GPR108: variants seen among roughly 807,000 people sequenced by gnomAD.
The protein encoded by GPR108 is protein GPR108.
A neutral mutation model predicts 74.3 loss-of-function variants in GPR108; 60 were observed. The observed-to-expected ratio is 0.81, with a 90% CI of 0.66 to 1.00. The LOEUF (loss-of-function observed/expected upper bound fraction) is 1.00. Among genes scored for constraint, GPR108 ranks in the 50% least tolerant of loss-of-function variants. The pLI is 0.00. For missense variants in GPR108, 667 were observed against 703.3 expected (o/e 0.95, Z 0.58); for synonymous variants, 311 against 292.4 (o/e 1.06, Z -0.65).
In GPR108 at chr19:6,733,220, C is replaced by T. The variant is rs558037063; in HGVS notation, c.805G>A (p.Ala269Thr). 8.1e-6 allele frequency: 13 copies of T among 1,614,006 alleles called. No homozygotes were observed. In the South Asian group the frequency reaches 1.1e-4, roughly 14 times the overall value. The change falls in exon 9 of 18, where the codon GCC becomes ACC. Residue 269 changes from alanine to threonine, a missense_variant. By Grantham distance (58) the Ala-to-Thr change is moderately conservative (BLOSUM62 0). Transcript: ENST00000264080. Reference protein sequence around the residue: ...PLFKLYMVMSACFLAAGIFWV... With the variant: ...PLFKLYMVMSTCFLAAGIFWV... ...AAGATGCCAGCGGCCAGGAAGCAGG[C>T]GGACATGACCATGTAGAGCTTGAAA...
chr19:6,737,128 C>T (rs1427267562), intron 1 of GPR108: 9 of 391,238 alleles, frequency 2.3e-5, no homozygotes, highest in African/African-American at 4.2e-5. Flanking sequence ...CCCCGCTGTG[C>T]GGCTCCAGGG....
intron 10 of GPR108, 75 bp downstream of exon 10, chr19:6,732,912 C>G: frequency 7.4e-7 from 1 of 1,350,210 alleles, no homozygotes; most frequent in Non-Finnish European, 1.0e-6. Context: ...GGCCCAGGGT[C>G]TGCAGAGATT....
At chr19:6,732,751 T>C (rs59319549) in intron 10 of GPR108, 9 of 657,748 alleles carry the variant, frequency 1.4e-5, no homozygotes, top group East Asian at 2.7e-5. Flanking sequence ...GGGTGAATAG[T>C]TGGACAATCA....
intron 8 of GPR108, 55 bp downstream of exon 8, chr19:6,733,515 C>A (rs1968507310): frequency 1.2e-5 from 18 of 1,544,584 alleles, no homozygotes; most frequent in Non-Finnish European, 1.4e-5. Context: ...CACTCTGGGC[C>A]CGCAGTGGCC....
At chr19:6,733,426 G>A in intron 8 of GPR108, 125 bp from the exon 9 acceptor site, 3 of 1,285,076 alleles carry the variant, frequency 2.3e-6, no homozygotes, top group East Asian at 4.9e-5. Flanking sequence ...CTGAGCCTCA[G>A]TTGGCCCCGT....
chr19:6,732,649 G>A (rs1968465902), intron 10 of GPR108, 100 bp from the exon 11 acceptor site: 2 of 925,384 alleles, frequency 2.2e-6, no homozygotes, highest in South Asian at 2.7e-5. Flanking sequence ...CCATCAGATG[G>A]GTGGTCAGAA....
At chr19:6,730,658 T>C (rs1228963415) in intron 17 of GPR108, 7 of 391,544 alleles carry the variant, frequency 1.8e-5, no homozygotes, top group Non-Finnish European at 2.8e-5. Context: ...CTTACTGCCA[T>C]AGCAGCCCAG....
rs758223984 is a variant in GPR108, at chr19:6,735,714, G to A, written c.292-10C>T. On this transcript the variant is annotated splice_polypyrimidine_tract_variant and intron_variant, in intron 3 of 17. Transcript: ENST00000264080. The stretch of plus-strand genomic sequence containing the variant: ...CCTGGAAATCCCGGGTCTGGGGGGT[G>A]GGCAGGAGGGAGTGAGTCTTGGTTA... The A allele has an allele frequency of 1.2e-6, 2 of 1,613,270 alleles. No homozygotes were observed. The highest frequency in any genetic ancestry group is 2.2e-5 in the South Asian group (2 of 91,068).
intron 4 of GPR108, among the ~76,000 whole-genome samples, chr19:6,734,841 A>G (rs1968563561): frequency 6.7e-6 from 1 of 148,696 alleles, no homozygotes; most frequent in Admixed American, 6.8e-5. Context: ...CACCATGGCC[A>G]GCCCTACATT....
rs772863962 is a variant in GPR108, at chr19:6,732,444, C to T, written c.1007+32G>A. 2.0e-5 allele frequency: 33 copies of T among 1,612,786 alleles called. No homozygotes were observed. In the East Asian group the frequency reaches 7.4e-4, roughly 36 times the overall value. ...GCCAACCCTCCCCTGCCTGCCTCCC[C>T]CCAGCTGCCCAGCAGAGTGGGGGAC... is the stretch of plus-strand genomic sequence containing the variant. On this transcript the variant is annotated intron_variant, in intron 11 of 17. Transcript: ENST00000264080.
intron 4 of GPR108, among the ~76,000 whole-genome samples, chr19:6,734,942 G>A (rs529972390): frequency 6.6e-6 from 1 of 151,626 alleles, no homozygotes; most frequent in South Asian, 2.1e-4. Context: ...GTGCAGCAGT[G>A]CAAACTTGGT....
At chr19:6,732,870 C>G in intron 10 of GPR108, 117 bp downstream of exon 10, 1 of 872,022 alleles carries the variant, frequency 1.1e-6, no homozygotes, top group East Asian at 2.6e-5. Flanking sequence ...AATGGGTGGA[C>G]ACGTGGATAG....
chr19:6,737,415 A>G, intron 1 of GPR108, 42 bp downstream of exon 1: 1 of 1,570,348 alleles, frequency 6.4e-7, no homozygotes, highest in Admixed American at 1.8e-5. Flanking sequence ...TCCGAGACAA[A>G]GTTGCGCCAC....
chr19:6,735,925 T>C lies in GPR108; in HGVS notation c.274A>G (p.Arg92Gly). 6.2e-7 allele frequency: 1 copy of C among 1,611,746 alleles called. No homozygotes were observed. The highest frequency in any genetic ancestry group is 1.1e-5 in the South Asian group (1 of 90,644). The change falls in exon 3 of 18, where the codon AGA becomes GGA. Residue 92 changes from arginine to glycine, a missense_variant. Coordinates refer to ENST00000264080, the MANE Select transcript of GPR108 (RefSeq NM_001080452.2). Reference protein sequence around the residue: ...GFSLSRVRSGRVRSYSTRDFQ... With the variant: ...GFSLSRVRSGGVRSYSTRDFQ... ...CCACTCACTGAATAGGAGCGAACTC[T>C]GCCAGACCGAACCCGGCTGAGACTG...
intron 3 of GPR108, 91 bp downstream of exon 3, chr19:6,735,817 G>A (rs1489173309): frequency 3.3e-6 from 5 of 1,526,516 alleles, no homozygotes; most frequent in African/African-American, 1.4e-5. Flanking sequence ...CTCTGACAAA[G>A]AACAGGGGCC....
At chr19:6,731,784 C>T in intron 14 of GPR108, 107 bp downstream of exon 14, 1 of 1,315,862 alleles carries the variant, frequency 7.6e-7, no homozygotes, top group South Asian at 1.3e-5. Context: ...GAGGCAGAGG[C>T]CTGGGGGCTG....
rs1445104754 is a variant in GPR108 at position 6,733,188 on chromosome 19, C to T, written c.837G>A (p.Val279=). The change falls in exon 9 of 18, where the codon GTG becomes GTA. Residue 279 remains valine (V), a synonymous_variant. Coordinates refer to ENST00000264080, the MANE Select transcript of GPR108 (RefSeq NM_001080452.2). ...ATTACGTGTTCCTGCAGAGGATGGA[C>T]ACCCAGAAGATGCCAGCGGCCAGGA... ...ACFLAAGIFW[V]SILCRNTYSV... 1 of 1,614,080 alleles carries T rather than the reference C, an allele frequency of 6.2e-7. No homozygotes were observed. Among genetic ancestry groups the T allele is most frequent in the Non-Finnish European group, 8.5e-7 (1 of 1,180,016 alleles).
rs1456447128 is a variant in GPR108 at position 6,733,842 on chromosome 19, C to G, written c.618+3G>C. The G allele has an allele frequency of 6.2e-7, 1 of 1,613,930 alleles. No individual in the cohort carries two copies. ...AAGGGCCGCAGGCGCTGCAAACACT[C>G]ACACTGAAGTTGTAGGAGTTGTTGA... On this transcript the variant is annotated splice_donor_region_variant and intron_variant, in intron 7 of 17. Transcript: ENST00000264080.
chr19:6,735,707 G>C lies in GPR108; in HGVS notation c.292-3C>G, dbSNP rs371632097. The C allele has an allele frequency of 3.1e-6, 5 of 1,613,134 alleles. No homozygotes were observed. In the African/African-American group the frequency reaches 4.0e-5, roughly 13 times the overall value. ...GGGCAGTCCTGGAAATCCCGGGTCT[G>C]GGGGGTGGGCAGGAGGGAGTGAGTC... On this transcript the variant is annotated splice_polypyrimidine_tract_variant and splice_region_variant and intron_variant, in intron 3 of 17. Transcript: ENST00000264080.
Sources: gnomAD v4.1 joint callset for allele counts (sites outside exome capture counted in the v4.1 genomes callset) on GRCh38, gnomAD v4.1.1 for gene constraint, MANE v1.5 for transcripts, NCBI Gene and HGNC (gene_info 2026-07-23, HGNC 2026-07-21) for gene names.